Variants in TAFA1 observed in about 807,000 individuals in gnomAD.
The protein encoded by TAFA1 is chemokine-like protein TAFA-1.
In TAFA1, 4 loss-of-function variants were observed where a neutral mutation model predicts 18.5. The ratio of observed to expected loss-of-function variants is 0.22; its 90% CI spans 0.11 to 0.49. TAFA1 has a LOEUF of 0.49. Among genes scored for constraint, TAFA1 ranks in the 20% least tolerant of loss-of-function variants. The probability of loss-of-function intolerance (pLI) is 0.98; values close to 1 mark genes in which losing one functional copy is unlikely to be tolerated. For missense variants in TAFA1, 147 were observed against 169.0 expected (o/e 0.87, Z 0.72); for synonymous variants, 56 against 55.2 (o/e 1.01, Z -0.06).
At chr3:68,447,281 A>C (rs890251916) in intron 3 of TAFA1, among the ~76,000 whole-genome samples, 3 of 152,212 alleles carry the variant, frequency 2.0e-5, no homozygotes, top group African/African-American at 7.2e-5. Flanking sequence ...GAAAACTAAA[A>C]GAACTTTCTC....
intron 2 of TAFA1, among the ~76,000 whole-genome samples, chr3:68,269,894 A>G (rs1247895685): frequency 4.6e-5 from 7 of 152,226 alleles, no homozygotes; most frequent in Non-Finnish European, 8.8e-5. Context: ...ATATGACTCT[A>G]TGCATGTTGT....
intron 2 of TAFA1, among the ~76,000 whole-genome samples, chr3:68,197,702 C>A (rs2066428155): frequency 6.6e-6 from 1 of 151,506 alleles, no homozygotes. Flanking sequence ...AAACAGCAAG[C>A]AGGAGCCCTT....
chr3:68,134,333 T>G (rs1239357995), intron 2 of TAFA1, among the ~76,000 whole-genome samples: 1 of 152,026 alleles, frequency 6.6e-6, no homozygotes, highest in Non-Finnish European at 1.5e-5. Flanking sequence ...CTTAATAGGA[T>G]AAGTTTCTCA....
chr3:68,362,473 A>G (rs2069486661), intron 2 of TAFA1, among the ~76,000 whole-genome samples: 1 of 152,140 alleles, frequency 6.6e-6, no homozygotes, highest in South Asian at 2.1e-4. Context: ...GAATCAAGCT[A>G]TAATGTTGGG....
intron 2 of TAFA1, among the ~76,000 whole-genome samples, chr3:68,286,170 C>T (rs1031554183): frequency 6.6e-6 from 1 of 152,052 alleles, no homozygotes; most frequent in Non-Finnish European, 1.5e-5. Context: ...AAGATTGCAC[C>T]ACTGCACTCC....
chr3:68,312,150 A>C (rs2068532200), intron 2 of TAFA1, among the ~76,000 whole-genome samples: 1 of 152,188 alleles, frequency 6.6e-6, no homozygotes, highest in Non-Finnish European at 1.5e-5. Flanking sequence ...CCTAGGCTGC[A>C]CACAGCACGG....
intron 2 of TAFA1, among the ~76,000 whole-genome samples, chr3:68,095,655 T>A (rs2065079398): frequency 6.6e-6 from 1 of 152,140 alleles, no homozygotes; most frequent in Non-Finnish European, 1.5e-5. Flanking sequence ...GTGATGATAA[T>A]GATGATGGTG....
chr3:68,177,941 G>A (rs559529340), intron 2 of TAFA1, among the ~76,000 whole-genome samples: 8 of 152,232 alleles, frequency 5.3e-5, no homozygotes, highest in Non-Finnish European at 1.0e-4. Flanking sequence ...TCAGCAGATC[G>A]AGACCATCCT....
chr3:68,461,360 C>CAT (rs5849840), intron 3 of TAFA1, among the ~76,000 whole-genome samples: 31,104 of 106,316 alleles, frequency 0.29, 4,978 homozygotes, highest in Admixed American at 0.4. Context: ...AATGAAAGTG[C>CAT]ATATATATAT....
chr3:68,216,675 A>C (rs1292546942), intron 2 of TAFA1, among the ~76,000 whole-genome samples: 1 of 152,058 alleles, frequency 6.6e-6, no homozygotes, highest in African/African-American at 2.4e-5. Flanking sequence ...AAATTGGATA[A>C]TTCTAGGAAT....
At chr3:68,275,497 G>C (rs957120188) in intron 2 of TAFA1, among the ~76,000 whole-genome samples, 1 of 140,612 alleles carries the variant, frequency 7.1e-6, no homozygotes, top group African/African-American at 2.6e-5. Context: ...TGTAAGATTA[G>C]GGGACTTTTT....
intron 2 of TAFA1, among the ~76,000 whole-genome samples, chr3:68,273,342 G>A (rs1161396923): frequency 6.6e-6 from 1 of 152,190 alleles, no homozygotes; most frequent in African/African-American, 2.4e-5. Context: ...GAGAAAGGAA[G>A]AGGCCAGATC....
chr3:68,189,412 CT>C (rs1431946673), intron 2 of TAFA1, among the ~76,000 whole-genome samples: 2 of 151,830 alleles, frequency 1.3e-5, no homozygotes, highest in Non-Finnish European at 2.9e-5. Context: ...ATTTTTGGCT[CT>C]GTACACCCTG....
At chr3:68,163,953 T>C (rs886195404) in intron 2 of TAFA1, among the ~76,000 whole-genome samples, 5 of 152,166 alleles carry the variant, frequency 3.3e-5, no homozygotes, top group African/African-American at 1.2e-4. Context: ...GTCTATAAAT[T>C]GTGTAATCTC....
chr3:68,230,756 T>C (rs1451549505), intron 2 of TAFA1, among the ~76,000 whole-genome samples: 1 of 152,224 alleles, frequency 6.6e-6, no homozygotes, highest in Non-Finnish European at 1.5e-5. Context: ...TGAGGGTTCC[T>C]CTTTCTCCAC....
chr3:68,179,853 C>T (rs2066173427), intron 2 of TAFA1, among the ~76,000 whole-genome samples: 1 of 151,922 alleles, frequency 6.6e-6, no homozygotes, highest in African/African-American at 2.4e-5. Context: ...GGACAGTCTT[C>T]CCATCTGTCC....
rs112034706 is a variant in TAFA1, at chr3:68,343,026, C to T, written c.119-74254C>T. Among the ~76,000 whole-genome samples the T allele has an allele frequency of 2.6e-5, 4 of 152,214 alleles. 1 individual carries two copies. Among genetic ancestry groups the T allele is most frequent in the African/African-American group, 9.6e-5 (4 of 41,524 alleles). ...CTTTAACAAAGTGCCTGTCAGGTTG[C>T]ACTTTGTAGGGGTGGGTGAGGATCT... On this transcript the variant is annotated intron_variant, in intron 2 of 4. Coordinates refer to ENST00000478136, the MANE Select transcript of TAFA1 (RefSeq NM_213609.4).
intron 2 of TAFA1, among the ~76,000 whole-genome samples, chr3:68,028,159 G>A (rs554273304): frequency 7.6e-4 from 115 of 152,186 alleles, no homozygotes; most frequent in Non-Finnish European, 1.4e-3. Context: ...AATTAGCCAG[G>A]TGTGGTGGCA....
At chr3:68,511,594 C>A (rs1361430177) in intron 3 of TAFA1, among the ~76,000 whole-genome samples, 1 of 151,948 alleles carries the variant, frequency 6.6e-6, no homozygotes. Flanking sequence ...TAAATAACTA[C>A]ATATTAACAG....
Sources: allele counts gnomAD v4.1 joint callset (sites outside exome capture counted in the v4.1 genomes callset), GRCh38; gene constraint gnomAD v4.1.1; transcripts MANE v1.5; gene names NCBI Gene and HGNC (gene_info 2026-07-23, HGNC 2026-07-21).